The following PCGF3 variants were observed in gnomAD, a reference collection of about 807,000 sequenced individuals.
PCGF3 encodes the protein polycomb group ring finger 3, also known as polycomb group RING finger protein 3.
In PCGF3, 7 loss-of-function variants were observed where a neutral mutation model predicts 33.1. That is an observed-to-expected ratio of 0.21 (90% CI 0.12 to 0.40). The LOEUF (loss-of-function observed/expected upper bound fraction) is 0.40, where lower values mean the gene tolerates loss of function less well. Ranked by LOEUF, PCGF3 falls within the 10% of genes least tolerant of loss-of-function variation. PCGF3 has a pLI of 1.00. For missense variants in PCGF3, 211 were observed against 313.3 expected (o/e 0.67, Z 2.46); for synonymous variants, 153 against 121.3 (o/e 1.26, Z -1.72).
rs1743048644 is a variant in PCGF3, at chr4:720,827, C to T, written c.-189-9803C>T. 6.6e-6 allele frequency among the ~76,000 whole-genome samples: 1 copy of T among 152,180 alleles called. No homozygotes were observed. The highest frequency in any genetic ancestry group is 6.5e-5 in the Admixed American group (1 of 15,288). ...AAGCAGAGGGTGAGGCTCGGCTCTGCTGTCAGGAGGACATGTCAGACTTCT... is the reference window on the plus strand; with the variant it reads ...AAGCAGAGGGTGAGGCTCGGCTCTGTTGTCAGGAGGACATGTCAGACTTCT... On this transcript the variant is annotated intron_variant, in intron 1 of 10. Transcript: ENST00000362003. The surrounding 1 kb of genome is among the most constrained non-coding windows in gnomAD (Gnocchi z 5.6).
chr4:712,579 TG>T (rs1742619601), intron 1 of PCGF3, among the ~76,000 whole-genome samples: 1 of 152,224 alleles, frequency 6.6e-6, no homozygotes, highest in South Asian at 2.1e-4. Context: ...CCTAAGTAGC[TG>T]GGATTACAGG....
intron 1 of PCGF3, among the ~76,000 whole-genome samples, chr4:729,449 A>C (rs1743462013): frequency 6.6e-6 from 1 of 151,984 alleles, no homozygotes; most frequent in South Asian, 2.1e-4. Context: ...AATTATAATG[A>C]GATCCTTCAG....
intron 8 of PCGF3, among the ~76,000 whole-genome samples, chr4:756,598 T>A (rs565604833): frequency 6.6e-6 from 1 of 152,072 alleles, no homozygotes; most frequent in South Asian, 2.1e-4. Context: ...AATTTTCATG[T>A]TTTTTTTAAC....
chr4:757,344 C>A (rs1744812322), intron 8 of PCGF3: 1 of 152,274 alleles, frequency 6.6e-6, no homozygotes, highest in Non-Finnish European at 1.5e-5. Flanking sequence ...GAGACGGCGG[C>A]TGCCTGTTGA....
intron 8 of PCGF3, among the ~76,000 whole-genome samples, chr4:748,110 T>G (rs2152597756): frequency 6.6e-6 from 1 of 152,280 alleles, no homozygotes; most frequent in Non-Finnish European, 1.5e-5. Context: ...CGTGTGTCAT[T>G]TACTGTATTA....
chr4:733,423 C>T (rs1743700653), intron 3 of PCGF3, among the ~76,000 whole-genome samples: 1 of 152,208 alleles, frequency 6.6e-6, no homozygotes, highest in African/African-American at 2.4e-5. Context: ...GGGTGTTGGG[C>T]ACAGAGAGAA....
At chr4:736,784 C>T (rs564341797) in intron 5 of PCGF3, among the ~76,000 whole-genome samples, 57 of 143,390 alleles carry the variant, frequency 4.0e-4, no homozygotes, top group African/African-American at 1.4e-3. Flanking sequence ...CCTGAGCGCA[C>T]GGGACGCGGG....
exon 11 of PCGF3, chr4:767,614 A>G (rs900870090): frequency 1.5e-4 from 23 of 152,190 alleles, no homozygotes; most frequent in Non-Finnish European, 3.1e-4. Flanking sequence ...AAGAGACCTT[A>G]TCTTAGGGAT....
At chr4:727,514 A>G (rs1456835517) in intron 1 of PCGF3, among the ~76,000 whole-genome samples, 4 of 152,110 alleles carry the variant, frequency 2.6e-5, no homozygotes, top group African/African-American at 7.2e-5. Context: ...TGCTGGGATT[A>G]CAAGCATGAG....
exon 7 of PCGF3, chr4:743,549 G>A (rs1744186030): frequency 1.2e-6 from 2 of 1,612,524 alleles, no homozygotes; most frequent in Admixed American, 1.7e-5. Context: ...GGGGAGACCT[G>A]CTCTGCAAAA....
chr4:735,312 C>T (rs1330247402), intron 5 of PCGF3, among the ~76,000 whole-genome samples: 2 of 152,122 alleles, frequency 1.3e-5, no homozygotes, highest in African/African-American at 4.8e-5. Flanking sequence ...TTTGGGAGGC[C>T]GACACAGGCA....
chr4:763,215 C>T (rs998341492), intron 9 of PCGF3, among the ~76,000 whole-genome samples: 13 of 152,060 alleles, frequency 8.5e-5, no homozygotes, highest in African/African-American at 2.9e-4. Flanking sequence ...TTCTGTGTAG[C>T]GAAACAGAAA....
At chr4:760,131 C>T (rs146014317) in intron 8 of PCGF3, among the ~76,000 whole-genome samples, 7 of 152,364 alleles carry the variant, frequency 4.6e-5, no homozygotes, top group Admixed American at 2.0e-4. Flanking sequence ...CTTTAATGGG[C>T]TGTGCTCAGT....
At chr4:758,708 T>C (rs78242470) in intron 8 of PCGF3, among the ~76,000 whole-genome samples, 678 of 25,492 alleles carry the variant, frequency 0.027, 1 homozygote, top group Middle Eastern at 0.11. Flanking sequence ...GTTCTTCTCC[T>C]TCCGGACTCC....
At chr4:726,040 C>G (rs540164015) in intron 1 of PCGF3, among the ~76,000 whole-genome samples, 1 of 152,128 alleles carries the variant, frequency 6.6e-6, no homozygotes, top group East Asian at 1.9e-4. Context: ...GGAAGTGAAA[C>G]AGGCCACCAG....
At chr4:761,001 G>A (rs1745024978) in intron 8 of PCGF3, among the ~76,000 whole-genome samples, 1 of 152,226 alleles carries the variant, frequency 6.6e-6, no homozygotes, top group Non-Finnish European at 1.5e-5. Flanking sequence ...GCCTGCGATG[G>A]ATAAGTAACT....
intron 1 of PCGF3, chr4:723,659 T>G (rs1225054242): frequency 1.3e-5 from 2 of 153,790 alleles, no homozygotes; most frequent in African/African-American, 4.8e-5. Flanking sequence ...TAGGGCAGAT[T>G]CCTGGAAGAC....
intron 1 of PCGF3, among the ~76,000 whole-genome samples, chr4:729,404 G>C (rs1339794711): frequency 2.7e-5 from 4 of 147,640 alleles, no homozygotes; most frequent in African/African-American, 9.8e-5. Flanking sequence ...GGCAGAGCAA[G>C]ATCCTGTCTC....
chr4:762,703 G>C (rs1745130404), intron 9 of PCGF3: 1 of 152,312 alleles, frequency 6.6e-6, no homozygotes, highest in Admixed American at 6.5e-5. Flanking sequence ...GTGTTCTGTG[G>C]CAGCAGCACG....
Sources: gnomAD v4.1 joint callset for allele counts (sites outside exome capture counted in the v4.1 genomes callset) on GRCh38, gnomAD v4.1.1 for gene constraint, Gnocchi (gnomAD v3.1) non-coding constraint, MANE v1.5 for transcripts, NCBI Gene and HGNC (gene_info 2026-07-23, HGNC 2026-07-21) for gene names.